Variants in CLSTN2 observed in about 807,000 individuals in gnomAD.
CLSTN2 encodes calsyntenin-2.
CLSTN2 carries 48 observed loss-of-function variants against 101.2 expected under a neutral mutation model. The observed-to-expected ratio is 0.47, with a 90% CI of 0.38 to 0.60. CLSTN2 has a LOEUF of 0.60. Among genes scored for constraint, CLSTN2 ranks in the 20% least tolerant of loss-of-function variants. CLSTN2 has a pLI of 0.00. For synonymous variants in CLSTN2, 481 were observed against 463.6 expected (o/e 1.04, Z -0.48); for missense variants, 1,160 against 1,238.2 (o/e 0.94, Z 0.95).
chr3:140,138,879 A>G (rs1480554911), intron 1 of CLSTN2, among the ~76,000 whole-genome samples: 1 of 152,180 alleles, frequency 6.6e-6, no homozygotes, highest in Admixed American at 6.5e-5. Context: ...CAGTGTCGGC[A>G]TTTTCTCACA....
chr3:140,240,225 T>TATATAC (rs2086452923), intron 2 of CLSTN2, among the ~76,000 whole-genome samples: 2 of 26,602 alleles, frequency 7.5e-5, no homozygotes, highest in African/African-American at 1.4e-4. Flanking sequence ...CACACACATA[T>TATATAC]ATATATATGC....
At chr3:139,966,935 A>T (rs1935610872) in intron 1 of CLSTN2, among the ~76,000 whole-genome samples, 7 of 152,192 alleles carry the variant, frequency 4.6e-5, no homozygotes, top group Admixed American at 4.6e-4. Context: ...TCGTGCTGCC[A>T]GGGTTCTAGT....
chr3:140,348,190 C>T (rs2087568731), intron 2 of CLSTN2, among the ~76,000 whole-genome samples: 1 of 152,184 alleles, frequency 6.6e-6, no homozygotes, highest in Admixed American at 6.5e-5. Flanking sequence ...GAAGTAGTGG[C>T]TCTACTTCTT....
intron 2 of CLSTN2, among the ~76,000 whole-genome samples, chr3:140,176,616 C>T (rs552208321): frequency 2.2e-4 from 34 of 152,354 alleles, no homozygotes; most frequent in African/African-American, 6.7e-4. Context: ...GAGCCTCTCA[C>T]TATCATCAAG....
intron 2 of CLSTN2, among the ~76,000 whole-genome samples, chr3:140,254,242 G>GA (rs1195115979): frequency 6.6e-6 from 1 of 152,054 alleles, no homozygotes; most frequent in Non-Finnish European, 1.5e-5. Flanking sequence ...CCTGCAAGAA[G>GA]AAAAAATCAT....
intron 1 of CLSTN2, among the ~76,000 whole-genome samples, chr3:140,135,117 C>CACACACATATATATAT (rs1488268767): frequency 8.6e-5 from 5 of 58,120 alleles, no homozygotes; most frequent in East Asian, 4.5e-4. Flanking sequence ...CACACACACA[C>CACACACATATATATAT]ATATATATAT....
chr3:140,133,300 TCC>T (rs2009550468), intron 1 of CLSTN2, among the ~76,000 whole-genome samples: 1 of 151,972 alleles, frequency 6.6e-6, no homozygotes, highest in African/African-American at 2.4e-5. Flanking sequence ...CCCAAACACC[TCC>T]CATCAGGTCC....
At chr3:140,524,809 A>T (rs1431132535) in intron 8 of CLSTN2, among the ~76,000 whole-genome samples, 1 of 152,216 alleles carries the variant, frequency 6.6e-6, no homozygotes, top group Non-Finnish European at 1.5e-5. Context: ...AAACTGCATG[A>T]AAACATGGAA....
At chr3:140,562,049 G>C in intron 12 of CLSTN2, 89 bp from the exon 13 acceptor site, 1 of 1,193,794 alleles carries the variant, frequency 8.4e-7, no homozygotes, top group East Asian at 2.4e-5. Flanking sequence ...TTAACCTGGG[G>C]TGCAATAACA....
At position 139,999,279 on chromosome 3, in the gene CLSTN2, T is replaced by G. The variant is rs186959591; in HGVS notation, c.109+63796T>G. Among the ~76,000 whole-genome samples the G allele has an allele frequency of 3.7e-3, 545 of 146,412 alleles. 1 individual carries two copies. The highest frequency in any genetic ancestry group is 0.013 in the African/African-American group (517 of 40,638). Reference sequence around the variant, plus strand: ...CTCCCTCCCTCCCTTTCCAGTAGTCTGCAGTGTCTGTTGTTTCCATGTTTA... The same window carrying G: ...CTCCCTCCCTCCCTTTCCAGTAGTCGGCAGTGTCTGTTGTTTCCATGTTTA... On this transcript the variant is annotated intron_variant, in intron 1 of 16. Coordinates refer to ENST00000458420, the MANE Select transcript of CLSTN2 (RefSeq NM_022131.3).
intron 11 of CLSTN2, among the ~76,000 whole-genome samples, chr3:140,558,408 C>G (rs376860957): frequency 2.0e-5 from 3 of 152,162 alleles, no homozygotes; most frequent in Non-Finnish European, 4.4e-5. Flanking sequence ...ACGTGTTGCT[C>G]ATATAGAAAA....
rs916722277 is a variant in CLSTN2, at chr3:139,988,035, A to G, written c.109+52552A>G. 2.0e-5 allele frequency among the ~76,000 whole-genome samples: 3 copies of G among 152,330 alleles called. No individual in the cohort carries two copies. In the Middle Eastern group the frequency reaches 0.01, roughly 518 times the overall value. The stretch of plus-strand genomic sequence containing the variant: ...TATTTAGCATTGGAAGACCAGCACT[A>G]GATATCTTCCAGCTTTTAGCATTGT... On this transcript the variant is annotated intron_variant, in intron 1 of 16. Coordinates refer to ENST00000458420, the MANE Select transcript of CLSTN2 (RefSeq NM_022131.3).
chr3:140,219,143 A>C (rs2086238876), intron 2 of CLSTN2, among the ~76,000 whole-genome samples: 1 of 152,046 alleles, frequency 6.6e-6, no homozygotes, highest in Non-Finnish European at 1.5e-5. Flanking sequence ...GCAGGAATAC[A>C]TGATACATGA....
intron 2 of CLSTN2, among the ~76,000 whole-genome samples, chr3:140,345,902 T>C (rs1026446177): frequency 6.6e-6 from 1 of 152,194 alleles, no homozygotes; most frequent in Non-Finnish European, 1.5e-5. Context: ...TGAATGATCA[T>C]TCTGAAGGTA....
At chr3:139,963,427 T>C (rs1430966260) in intron 1 of CLSTN2, among the ~76,000 whole-genome samples, 1 of 152,136 alleles carries the variant, frequency 6.6e-6, no homozygotes, top group Non-Finnish European at 1.5e-5. Context: ...CCCAATAGAC[T>C]TCCTAATATT....
intron 5 of CLSTN2, among the ~76,000 whole-genome samples, chr3:140,444,511 A>G (rs1203013436): frequency 6.6e-6 from 1 of 152,100 alleles, no homozygotes. Flanking sequence ...CAATTAAGAT[A>G]CACTCCCCCA....
At position 140,556,561 on chromosome 3, in the gene CLSTN2, A is replaced by T; in HGVS notation, c.1723A>T (p.Ile575Phe). 1 of 1,614,072 alleles carries T rather than the reference A, an allele frequency of 6.2e-7. No homozygotes were observed. Residue 575 changes from isoleucine (I) to phenylalanine (F), a missense_variant, in exon 11 of 17, where the codon ATT becomes TTT. Coordinates refer to ENST00000458420, the MANE Select transcript of CLSTN2 (RefSeq NM_022131.3). ...QSILVMEGDD[I>F]GNINRALQKV... is the part of the protein sequence containing the mutation. ...CATCCTGGTGATGGAAGGTGACGAC[A>T]TTGGGAACATTAACCGTGCTCTCCA... is the stretch of plus-strand genomic sequence containing the variant.
At chr3:140,564,230 C>T in intron 16 of CLSTN2, 85 bp downstream of exon 16, 1 of 1,246,376 alleles carries the variant, frequency 8.0e-7, no homozygotes, top group Non-Finnish European at 1.1e-6. Flanking sequence ...AAAGCAGCCC[C>T]ATACCCCCTC....
At chr3:140,176,116 A>T (rs1252678942) in intron 2 of CLSTN2, 43 bp downstream of exon 2, 2 of 1,607,998 alleles carry the variant, frequency 1.2e-6, no homozygotes, top group Admixed American at 1.7e-5. Context: ...CTCACTTTGA[A>T]GATGTGCTGT....
Sources: allele counts gnomAD v4.1 joint callset (sites outside exome capture counted in the v4.1 genomes callset), GRCh38; gene constraint gnomAD v4.1.1; transcripts MANE v1.5; gene names NCBI Gene and HGNC (gene_info 2026-07-23, HGNC 2026-07-21).